The following VTI1A variants were observed in gnomAD, a reference collection of about 807,000 sequenced individuals.
VTI1A encodes vesicle transport through interaction with t-SNAREs 1A.
VTI1A carries 22 observed loss-of-function variants against 34.9 expected under a neutral mutation model. The observed-to-expected ratio is 0.63, with a 90% CI of 0.45 to 0.90. VTI1A has a LOEUF of 0.90. Among genes scored for constraint, VTI1A ranks in the 40% least tolerant of loss-of-function variants. The pLI, the probability that VTI1A is intolerant of heterozygous loss-of-function variation, is 0.00. For missense variants in VTI1A, 268 were observed against 275.6 expected (o/e 0.97, Z 0.20); for synonymous variants, 87 against 97.3 (o/e 0.89, Z 0.62).
At chr10:112,457,725 A>G (rs1040579059) in intron 1 of VTI1A, among the ~76,000 whole-genome samples, 2 of 152,326 alleles carry the variant, frequency 1.3e-5, no homozygotes, top group Non-Finnish European at 1.5e-5. Flanking sequence ...GACGATAGTC[A>G]TAAGAAAGGC....
At chr10:112,652,537 A>G (rs1420167170) in intron 5 of VTI1A, among the ~76,000 whole-genome samples, 4 of 152,036 alleles carry the variant, frequency 2.6e-5, no homozygotes, top group Non-Finnish European at 4.4e-5. Flanking sequence ...CCTGGGCAAC[A>G]TGACAAAACC....
At chr10:112,829,453 A>G in the VTI1A span, among the ~76,000 whole-genome samples, 5 of 145,754 alleles carry the variant, frequency 3.4e-5, no homozygotes, top group Non-Finnish European at 7.5e-5. Context: ...CGAAAAAAAA[A>G]AAAAATCTAT....
intron 7 of VTI1A, among the ~76,000 whole-genome samples, chr10:112,804,920 G>C (rs571880673): frequency 1.5e-5 from 2 of 136,706 alleles, no homozygotes; most frequent in East Asian, 4.2e-4. Context: ...GAATGCAGTC[G>C]TGCGATCACA....
intron 3 of VTI1A, among the ~76,000 whole-genome samples, chr10:112,511,514 T>C (rs953603953): frequency 6.6e-6 from 1 of 152,140 alleles, no homozygotes; most frequent in South Asian, 2.1e-4. Context: ...AGTGCTGGGA[T>C]TACAGGCATG....
intron 5 of VTI1A, among the ~76,000 whole-genome samples, chr10:112,581,869 A>G (rs186411973): frequency 2.0e-5 from 3 of 152,330 alleles, no homozygotes; most frequent in Admixed American, 2.0e-4. Context: ...GAAGAAACTT[A>G]ATAGGCAAAA....
At chr10:112,840,527 C>G in the VTI1A span, among the ~76,000 whole-genome samples, 1 of 152,194 alleles carries the variant, frequency 6.6e-6, no homozygotes, top group African/African-American at 2.4e-5. Flanking sequence ...CATTTATTTC[C>G]ACAATGCCGA....
At chr10:112,790,408 T>G (rs1465444096) in intron 7 of VTI1A, among the ~76,000 whole-genome samples, 1 of 152,228 alleles carries the variant, frequency 6.6e-6, no homozygotes, top group African/African-American at 2.4e-5. Flanking sequence ...AGAGCTTATC[T>G]AGCACTTCTG....
In VTI1A at chr10:112,733,405, G is replaced by A. The variant is rs894340071; in HGVS notation, c.560+64407G>A. 9.9e-5 allele frequency among the ~76,000 whole-genome samples: 15 copies of A among 151,876 alleles called. 1 individual carries two copies. The highest frequency in any genetic ancestry group is 2.9e-4 in the African/African-American group (12 of 41,312). On this transcript the variant is annotated intron_variant, in intron 7 of 7. Coordinates refer to ENST00000393077, the MANE Select transcript of VTI1A (RefSeq NM_145206.4). The stretch of plus-strand genomic sequence containing the variant: ...GTTGCTTCCCATTCCCCCAGCCCCC[G>A]TCTCCGTGGATTTACCCACCCTGGA...
chr10:112,460,726 G>GACA, intron 2 of VTI1A, 144 bp downstream of exon 2: 1 of 597,790 alleles, frequency 1.7e-6, no homozygotes, highest in Non-Finnish European at 2.6e-6. Context: ...TTTTTAAATT[G>GACA]AAGAGATTTT....
chr10:112,464,831 G>T, intron 3 of VTI1A, 174 bp downstream of exon 3: 1 of 609,954 alleles, frequency 1.6e-6, no homozygotes, highest in Non-Finnish European at 2.9e-6. Flanking sequence ...GCTAATGGTG[G>T]AATTTAAGGT....
chr10:112,644,409 T>C (rs772641399), intron 5 of VTI1A, among the ~76,000 whole-genome samples: 33 of 152,218 alleles, frequency 2.2e-4, no homozygotes, highest in Non-Finnish European at 3.4e-4. Context: ...TTGACAAATA[T>C]AATTAAGGTG....
the VTI1A span, among the ~76,000 whole-genome samples, chr10:112,830,836 TA>T: frequency 1.4e-4 from 7 of 48,328 alleles, 2 homozygotes; most frequent in African/African-American, 7.8e-5. Context: ...TATATATATA[TA>T]TATATATATA....
chr10:112,782,689 C>T (rs1852168662), intron 7 of VTI1A, among the ~76,000 whole-genome samples: 1 of 152,170 alleles, frequency 6.6e-6, no homozygotes, highest in Non-Finnish European at 1.5e-5. Flanking sequence ...TCGGACACAG[C>T]ATTCTTCATC....
chr10:112,471,392 T>G (rs1453353512), intron 3 of VTI1A, among the ~76,000 whole-genome samples: 23 of 147,968 alleles, frequency 1.6e-4, no homozygotes, highest in African/African-American at 5.7e-4. Context: ...TTTTTTTGCT[T>G]CTTACAGCCT....
At chr10:112,774,031 G>A (rs1590172360) in intron 7 of VTI1A, among the ~76,000 whole-genome samples, 1 of 152,356 alleles carries the variant, frequency 6.6e-6, no homozygotes, top group African/African-American at 2.4e-5. Flanking sequence ...AGGGGTCAGA[G>A]ACACTGGGTG....
chr10:112,756,481 C>T (rs954813520), intron 7 of VTI1A, among the ~76,000 whole-genome samples: 2 of 152,096 alleles, frequency 1.3e-5, no homozygotes, highest in Non-Finnish European at 2.9e-5. Flanking sequence ...CTTCTCTCAG[C>T]GGGCATGCTT....
chr10:112,518,577 C>CTATA (rs1408734792), intron 3 of VTI1A, among the ~76,000 whole-genome samples: 10 of 103,920 alleles, frequency 9.6e-5, no homozygotes, highest in African/African-American at 3.6e-4. Flanking sequence ...CTCTCTCTCT[C>CTATA]TCTCTCTCTC....
intron 5 of VTI1A, among the ~76,000 whole-genome samples, chr10:112,544,053 C>T (rs934809034): frequency 3.9e-5 from 6 of 152,144 alleles, no homozygotes; most frequent in African/African-American, 7.2e-5. Context: ...TGTTTTGGTA[C>T]CAGTACCATG....
chr10:112,779,157 A>T (rs188745275), intron 7 of VTI1A, among the ~76,000 whole-genome samples: 1 of 152,336 alleles, frequency 6.6e-6, no homozygotes, highest in Non-Finnish European at 1.5e-5. Flanking sequence ...CCAATATTTC[A>T]TCTTGAGATT....
Sources: allele counts gnomAD v4.1 joint callset (sites outside exome capture counted in the v4.1 genomes callset), GRCh38; gene constraint gnomAD v4.1.1; transcripts MANE v1.5; gene names NCBI Gene and HGNC (gene_info 2026-07-23, HGNC 2026-07-21).